CPSF4L: variants seen among roughly 807,000 people sequenced by gnomAD.
The protein encoded by CPSF4L is cleavage and polyadenylation specific factor 4 like.
Under a neutral mutation model 24.0 loss-of-function variants are expected in CPSF4L, and 18 were observed. The observed-to-expected ratio is 0.75, with a 90% CI of 0.52 to 1.11. The LOEUF (loss-of-function observed/expected upper bound fraction) is 1.11, where lower values mean the gene tolerates loss of function less well. CPSF4L is among the 50% of genes least tolerant of loss of function. The probability of loss-of-function intolerance (pLI) is 0.00; values close to 1 mark genes in which losing one functional copy is unlikely to be tolerated. For synonymous variants in CPSF4L, 72 were observed against 77.2 expected, an observed-to-expected ratio of 0.93 and a Z score of 0.35; for missense variants, 211 against 221.8, an observed-to-expected ratio of 0.95 and a Z score of 0.31.
downstream of CPSF4L, among the ~76,000 whole-genome samples, chr17:73,246,624 G>C (rs1599403771): frequency 6.6e-6 from 1 of 152,164 alleles, no homozygotes; most frequent in African/African-American, 2.4e-5. Flanking sequence ...CTGGAATGCT[G>C]GGGCTACTTT....
downstream of CPSF4L, chr17:73,247,421 G>A: frequency 7.1e-7 from 1 of 1,406,728 alleles, no homozygotes; most frequent in Non-Finnish European, 1.0e-6. Context: ...GAATTGCCCT[G>A]TAACACCTAA....
chr17:73,262,176 T>G, upstream of CPSF4L: 1 of 205,028 alleles, frequency 4.9e-6, no homozygotes, highest in Non-Finnish European at 1.0e-5. Flanking sequence ...CCTGGGCTCA[T>G]ACTTTGTCCA....
At chr17:73,259,978 G>C (rs1023560193) in intron 2 of CPSF4L, among the ~76,000 whole-genome samples, 4 of 152,198 alleles carry the variant, frequency 2.6e-5, no homozygotes, top group Non-Finnish European at 4.4e-5. Flanking sequence ...TGAGCCATGA[G>C]CCAGAAGAAA....
intron 1 of CPSF4L, among the ~76,000 whole-genome samples, chr17:73,261,248 C>T (rs951708960): frequency 1.3e-5 from 2 of 152,280 alleles, no homozygotes; most frequent in South Asian, 2.1e-4. Flanking sequence ...TCTCAATTCA[C>T]CGTCTCTCTG....
chr17:73,248,596 C>T (rs1186253598), intron 5 of CPSF4L, 60 bp from the exon 6 acceptor site: 2 of 1,509,856 alleles, frequency 1.3e-6, no homozygotes, highest in Non-Finnish European at 1.8e-6. Flanking sequence ...ATTCACCTTC[C>T]CATCCATCCC....
chr17:73,261,962 C>A (rs574042222), upstream of CPSF4L: 9 of 650,868 alleles, frequency 1.4e-5, no homozygotes, highest in Non-Finnish European at 2.4e-5. Context: ...CTGCAGGGGA[C>A]GCTCCAGCCT....
chr17:73,260,823 A>G (rs2062042161), intron 2 of CPSF4L, 110 bp downstream of exon 2: 2 of 688,568 alleles, frequency 2.9e-6, no homozygotes, highest in South Asian at 2.0e-5. Flanking sequence ...TTCCCTCCCC[A>G]GGTGCAAATT....
chr17:73,260,662 G>A (rs535880566), intron 2 of CPSF4L, among the ~76,000 whole-genome samples: 1 of 152,332 alleles, frequency 6.6e-6, no homozygotes, highest in South Asian at 2.1e-4. Context: ...AGTTACTCGG[G>A]AGGCTGAGGA....
At chr17:73,248,422 G>T (rs1189661692), downstream of CPSF4L, 28 of 1,315,978 alleles carry the variant, frequency 2.1e-5, no homozygotes, top group Non-Finnish European at 1.1e-6. Context: ...TCATGCTGCA[G>T]AAGGAGGGGG....
chr17:73,254,063 C>G (rs1338247130), intron 3 of CPSF4L, 37 bp from the exon 4 acceptor site: 1 of 1,484,342 alleles, frequency 6.7e-7, no homozygotes, highest in Admixed American at 2.0e-5. Flanking sequence ...AGCAGTTTCT[C>G]TTTGTGATCA....
chr17:73,263,425 G>A (rs549658827), upstream of CPSF4L, among the ~76,000 whole-genome samples: 1 of 152,324 alleles, frequency 6.6e-6, no homozygotes, highest in Admixed American at 6.5e-5. Context: ...ATGCGATGGA[G>A]GCATGAGGGG....
downstream of CPSF4L, chr17:73,245,690 G>A: frequency 1.0e-6 from 1 of 985,372 alleles, no homozygotes; most frequent in Non-Finnish European, 1.2e-6. Context: ...TAAGGTGTGA[G>A]AAACACAAGA....
At chr17:73,248,116 T>C (rs1379069572), downstream of CPSF4L, 2 of 223,548 alleles carry the variant, frequency 8.9e-6, no homozygotes, top group Non-Finnish European at 1.8e-5. Flanking sequence ...GCAATACTGA[T>C]GTAAAGTTGC....
intron 4 of CPSF4L, among the ~76,000 whole-genome samples, chr17:73,253,600 G>A (rs879644144): frequency 6.6e-5 from 10 of 152,218 alleles, no homozygotes; most frequent in African/African-American, 1.7e-4. Context: ...AGTGGAATGC[G>A]GAAGAGAGCA....
At chr17:73,249,273 A>G (rs1023091370) in intron 5 of CPSF4L, among the ~76,000 whole-genome samples, 2 of 152,222 alleles carry the variant, frequency 1.3e-5, no homozygotes, top group African/African-American at 4.8e-5. Flanking sequence ...AGATCCAGCC[A>G]ACATCTGGGG....
chr17:73,244,332 G>A (rs1348949604), downstream of CPSF4L, among the ~76,000 whole-genome samples: 1 of 152,084 alleles, frequency 6.6e-6, no homozygotes, highest in Admixed American at 6.5e-5. Flanking sequence ...GGAGGCCGAG[G>A]CTGGCAGATC....
downstream of CPSF4L, among the ~76,000 whole-genome samples, chr17:73,244,977 T>C (rs1215623022): frequency 6.6e-6 from 1 of 152,140 alleles, no homozygotes; most frequent in African/African-American, 2.4e-5. Context: ...TTTACCAGTC[T>C]GAAAGGGATT....
intron 3 of CPSF4L, among the ~76,000 whole-genome samples, chr17:73,255,002 A>C (rs1220998409): frequency 6.6e-6 from 1 of 152,232 alleles, no homozygotes; most frequent in Non-Finnish European, 1.5e-5. Flanking sequence ...TGAAGGAAGC[A>C]TGGGGGAAGA....
intron 3 of CPSF4L, among the ~76,000 whole-genome samples, chr17:73,254,645 A>G (rs1257646052): frequency 6.6e-6 from 1 of 151,924 alleles, no homozygotes; most frequent in Non-Finnish European, 1.5e-5. Context: ...AAGTGTCATT[A>G]TTATTATTAT....
Sources: allele counts gnomAD v4.1 joint callset (sites outside exome capture counted in the v4.1 genomes callset), GRCh38; gene constraint gnomAD v4.1.1; transcripts MANE v1.5; gene names NCBI Gene and HGNC (gene_info 2026-07-23, HGNC 2026-07-21).